Variants in DPF3 observed in about 807,000 individuals in gnomAD.
DPF3 encodes the protein double PHD fingers 3.
Under a neutral mutation model 56.8 loss-of-function variants are expected in DPF3, and 18 were observed. That is an observed-to-expected ratio of 0.32 (90% CI 0.22 to 0.47). DPF3 has a LOEUF of 0.47. DPF3 is among the 20% of genes least tolerant of loss of function. The pLI is 1.00. For missense variants in DPF3, 403 were observed against 488.8 expected (o/e 0.82, Z 1.65); for synonymous variants, 188 against 180.2 (o/e 1.04, Z -0.35).
intron 1 of DPF3, among the ~76,000 whole-genome samples, chr14:72,774,262 T>TAAA (rs777564213): frequency 0.014 from 853 of 60,996 alleles, 36 homozygotes; most frequent in Admixed American, 0.056. Context: ...AGACTCTGTC[T>TAAA]AAAAAAAAAA....
chr14:72,887,211 T>C (rs1886585997), intron 1 of DPF3, among the ~76,000 whole-genome samples: 1 of 145,246 alleles, frequency 6.9e-6, no homozygotes, highest in Non-Finnish European at 1.5e-5. Flanking sequence ...GGAAGCAAAA[T>C]ACAGATGTTC....
rs116156028 is a variant in DPF3, at chr14:72,808,619, G to A, written c.33-36726C>T. On this transcript the variant is annotated intron_variant, in intron 1 of 10. Coordinates refer to ENST00000556509, the MANE Select transcript of DPF3 (RefSeq NM_001280542.3). ...GTTCGCCATTTACTCTTAGGATGAG[G>A]TAGTGTTTAGAAAGTCAGCCTGGAA... 4.7e-3 allele frequency among the ~76,000 whole-genome samples: 720 copies of A among 152,292 alleles called. 6 individuals carry two copies. Among genetic ancestry groups the A allele is most frequent in the African/African-American group, 0.017 (698 of 41,550 alleles).
intron 5 of DPF3, among the ~76,000 whole-genome samples, chr14:72,720,909 A>G (rs2153576486): frequency 6.6e-6 from 1 of 152,310 alleles, no homozygotes; most frequent in African/African-American, 2.4e-5. Context: ...AGGTGCAATT[A>G]ATTTTAATAA....
At chr14:72,880,529 G>C (rs946113628) in intron 1 of DPF3, among the ~76,000 whole-genome samples, 1 of 152,140 alleles carries the variant, frequency 6.6e-6, no homozygotes, top group East Asian at 1.9e-4. Context: ...GCAGCCAAAG[G>C]TAGGCTGAGA....
rs530927832 is a variant in DPF3, at chr14:72,615,759, G to A, written c.*3538C>T. ...TTCAGGGGCGATGAGTCAGTGAGGG[G>A]TTCCAAAGGAAAGCCAGAATGTCAA... is the stretch of plus-strand genomic sequence containing the variant. On this transcript the variant is annotated 3_prime_UTR_variant, in exon 11 of 11. Transcript: ENST00000556509. Among the ~76,000 whole-genome samples the A allele has an allele frequency of 6.6e-6, 1 of 152,380 alleles. No individual in the cohort carries two copies. Among genetic ancestry groups the A allele is most frequent in the Non-Finnish European group, 1.5e-5 (1 of 68,034 alleles).
intron 2 of DPF3, among the ~76,000 whole-genome samples, chr14:72,760,805 C>A (rs919429177): frequency 9.9e-5 from 15 of 152,116 alleles, no homozygotes; most frequent in African/African-American, 3.4e-4. Context: ...ATGTAAAAAG[C>A]ATAACACAAC....
intron 3 of DPF3, among the ~76,000 whole-genome samples, chr14:72,741,973 T>A (rs1405309573): frequency 1.7e-4 from 26 of 152,232 alleles, no homozygotes; most frequent in Admixed American, 1.7e-3. Context: ...CCCAGAGCCC[T>A]GCAGAACACC....
In DPF3 at chr14:72,611,421, C is replaced by G. The variant is rs2153564837; in HGVS notation, c.*7876G>C. On this transcript the variant is annotated 3_prime_UTR_variant, in exon 11 of 11. Transcript: ENST00000556509. ...AAACCTCTCTGATGCTGGGTTTCAT[C>G]CCTGCACACACCAGCAGTGCCAGAT... Among the ~76,000 whole-genome samples the G allele has an allele frequency of 6.6e-6, 1 of 152,336 alleles. No homozygotes were observed. Among genetic ancestry groups the G allele is most frequent in the Non-Finnish European group, 1.5e-5 (1 of 68,034 alleles).
intron 9 of DPF3, 73 bp downstream of exon 9, chr14:72,629,551 C>G: frequency 7.2e-7 from 1 of 1,381,850 alleles, no homozygotes; most frequent in Non-Finnish European, 9.9e-7. Context: ...AAGAGTCCTT[C>G]CTTCCTCTTC....
At chr14:72,873,291 A>G (rs558734435) in intron 1 of DPF3, among the ~76,000 whole-genome samples, 1 of 152,386 alleles carries the variant, frequency 6.6e-6, no homozygotes, top group Non-Finnish European at 1.5e-5. Flanking sequence ...TCAAAAGAAG[A>G]TATTTATGCA....
At chr14:72,857,856 G>C (rs1258639443) in intron 1 of DPF3, among the ~76,000 whole-genome samples, 1 of 152,076 alleles carries the variant, frequency 6.6e-6, no homozygotes, top group Non-Finnish European at 1.5e-5. Context: ...CAAAGTGCTG[G>C]GATTACAGGC....
At chr14:72,826,408 C>T (rs1883803506) in intron 1 of DPF3, among the ~76,000 whole-genome samples, 1 of 152,180 alleles carries the variant, frequency 6.6e-6, no homozygotes. Flanking sequence ...GGGCAACCTT[C>T]AGGGGTCTGA....
chr14:72,883,880 T>C lies in DPF3; in HGVS notation c.32+10177A>G, dbSNP rs558033159. Among the ~76,000 whole-genome samples, 9 of 142,564 alleles carry C rather than the reference T, an allele frequency of 6.3e-5. No homozygotes were observed. In the East Asian group the frequency reaches 1.9e-3, roughly 29 times the overall value. 93.5% of individuals were successfully genotyped at this position (142,564 alleles called of 152,430 possible). A position where few individuals can be genotyped will look rare whatever the true frequency, so the allele number is the denominator to read the frequency against. On this transcript the variant is annotated intron_variant, in intron 1 of 10. Coordinates refer to ENST00000556509, the MANE Select transcript of DPF3 (RefSeq NM_001280542.3). ...AGGCAGAGGTTGCAGTGAGCCAAGA[T>C]CACGCCACTGCACTCCAGCCTAGGC... is the stretch of plus-strand genomic sequence containing the variant.
intron 8 of DPF3, among the ~76,000 whole-genome samples, chr14:72,642,043 C>T (rs546175996): frequency 5.3e-5 from 8 of 152,306 alleles, no homozygotes; most frequent in Admixed American, 2.6e-4. Context: ...AGACTCTCAA[C>T]GCAGCAGCTC....
intron 1 of DPF3, among the ~76,000 whole-genome samples, chr14:72,787,681 A>G: frequency 6.6e-6 from 1 of 152,202 alleles, no homozygotes; most frequent in Non-Finnish European, 1.5e-5. Context: ...CTTGGCTGAT[A>G]AATGATAAAG....
intron 6 of DPF3, among the ~76,000 whole-genome samples, chr14:72,701,564 G>C (rs1425844137): frequency 6.6e-6 from 1 of 152,118 alleles, no homozygotes; most frequent in East Asian, 1.9e-4. Context: ...GGGGAGCAGG[G>C]AGGAGGAGGA....
intron 8 of DPF3, among the ~76,000 whole-genome samples, chr14:72,642,067 G>A (rs1180013734): frequency 6.6e-6 from 1 of 152,184 alleles, no homozygotes; most frequent in Non-Finnish European, 1.5e-5. Flanking sequence ...AGGACCTGAG[G>A]CCTAATGGCA....
intron 1 of DPF3, among the ~76,000 whole-genome samples, chr14:72,795,289 A>ATATATATATATATAT (rs1179925797): frequency 2.0e-4 from 24 of 119,268 alleles, no homozygotes; most frequent in Non-Finnish European, 3.2e-4. Flanking sequence ...AAAAAAAAAA[A>ATATATATATATATAT]AAAAAAATAT....
chr14:72,705,836 T>A (rs557464095), intron 6 of DPF3, among the ~76,000 whole-genome samples: 1 of 151,766 alleles, frequency 6.6e-6, no homozygotes, highest in East Asian at 1.9e-4. Context: ...CATCACACAA[T>A]GTGGGAGGCA....
Sources: gnomAD v4.1 joint callset for allele counts (sites outside exome capture counted in the v4.1 genomes callset) on GRCh38, gnomAD v4.1.1 for gene constraint, MANE v1.5 for transcripts, NCBI Gene and HGNC (gene_info 2026-07-23, HGNC 2026-07-21) for gene names.